Variants in SCUBE2 observed in about 807,000 individuals in gnomAD.
SCUBE2 encodes signal peptide, CUB and EGF-like domain-containing protein 2.
Under a neutral mutation model 125.9 loss-of-function variants are expected in SCUBE2, and 114 were observed. The ratio of observed to expected loss-of-function variants is 0.91; its 90% CI spans 0.78 to 1.06. SCUBE2 has a LOEUF of 1.06. Among genes scored for constraint, SCUBE2 ranks in the 50% least tolerant of loss-of-function variants. The pLI is 0.00. For missense variants in SCUBE2, 1,255 were observed against 1,301.8 expected (o/e 0.96, Z 0.55); for synonymous variants, 459 against 492.9 (o/e 0.93, Z 0.91).
At chr11:9,079,174 T>C (rs554891282) in intron 3 of SCUBE2, among the ~76,000 whole-genome samples, 3 of 152,336 alleles carry the variant, frequency 2.0e-5, no homozygotes, top group Admixed American at 6.5e-5. Context: ...ATGTCACCCA[T>C]CTCCTTGGAC....
chr11:9,059,734 C>T, intron 8 of SCUBE2: 1 of 320,304 alleles, frequency 3.1e-6, no homozygotes, highest in Non-Finnish European at 5.8e-6. Context: ...GTATTGCTCT[C>T]TCAAGGTAAG....
chr11:9,057,043 G>A (rs935001195), intron 9 of SCUBE2, among the ~76,000 whole-genome samples: 6 of 152,294 alleles, frequency 3.9e-5, no homozygotes, highest in African/African-American at 1.2e-4. Flanking sequence ...TACCAAGACC[G>A]ATCAGTGAAA....
chr11:9,030,499 A>G (rs80301233), intron 18 of SCUBE2, among the ~76,000 whole-genome samples: 3,339 of 152,248 alleles, frequency 0.022, 48 homozygotes, highest in Non-Finnish European at 0.032. Context: ...AACCAGGGGA[A>G]CCTGTGTACC....
chr11:9,052,627 A>T, intron 13 of SCUBE2, 119 bp downstream of exon 13: 1 of 718,420 alleles, frequency 1.4e-6, no homozygotes, highest in Middle Eastern at 2.5e-4. Context: ...GAACATGCTC[A>T]CAGCATCAAG....
intron 22 of SCUBE2, among the ~76,000 whole-genome samples, 170 bp from the exon 23 acceptor site, chr11:9,021,367 A>T (rs1566152038): frequency 1.3e-5 from 2 of 152,130 alleles, no homozygotes; most frequent in Non-Finnish European, 2.9e-5. Flanking sequence ...ATTTTTCCTA[A>T]TTAGTTTTAA....
intron 19 of SCUBE2, among the ~76,000 whole-genome samples, chr11:9,028,110 G>C (rs972555525): frequency 2.0e-5 from 3 of 152,060 alleles, no homozygotes; most frequent in African/African-American, 4.8e-5. Context: ...GGAGTGCAGT[G>C]GTGCGATCAT....
chr11:9,021,064 A>T lies in SCUBE2; in HGVS notation c.3068T>A (p.Phe1023Tyr). The T allele has an allele frequency of 6.2e-7, 1 of 1,613,574 alleles. No homozygotes were observed. ...GCTGAGTCATTTGTAAGGTCTCAAA[A>T]ACCTGGACACTTTGGAACGTAGCAA... ...IRLLRSKVSR[F>Y]LRPYK The change falls in exon 23 of 23, where the codon TTT becomes TAT. Residue 1023 changes from phenylalanine to tyrosine, a missense_variant. This residue lies in a region of SCUBE2 where 515 missense variants were observed against 515.7 expected (regional missense o/e 1.00). Transcript: ENST00000649792.
At chr11:9,029,855 A>C in intron 19 of SCUBE2, 29 bp downstream of exon 19, 1 of 1,613,638 alleles carries the variant, frequency 6.2e-7, no homozygotes, top group Non-Finnish European at 8.5e-7. Flanking sequence ...CTTAGCCAGA[A>C]CTATGAAAAG....
intron 4 of SCUBE2, among the ~76,000 whole-genome samples, chr11:9,071,441 C>T (rs1349378713): frequency 2.0e-5 from 3 of 152,220 alleles, no homozygotes. Context: ...ACTTAAATGG[C>T]TCTGGAAACG....
rs1167124619 is a variant in SCUBE2 at position 9,055,804 on chromosome 11, G to A, written c.1196C>T (p.Thr399Ile). The A allele has an allele frequency of 6.2e-7, 1 of 1,613,916 alleles. No homozygotes were observed. Among genetic ancestry groups the A allele is most frequent in the Non-Finnish European group, 8.5e-7 (1 of 1,179,854 alleles). ...CNRGYTLYGF[T>I]HCGDTNECSI... Reference sequence around the variant, plus strand: ...GGCAGTCTGCTCACCTCCACAGTGGGTGAAGCCATACAGGGTGTACCCTCG... The same window carrying A: ...GGCAGTCTGCTCACCTCCACAGTGGATGAAGCCATACAGGGTGTACCCTCG... Residue 399 changes from threonine to isoleucine, a missense_variant, in exon 10 of 23, where the codon ACC becomes ATC. Coordinates refer to ENST00000649792, the MANE Select transcript of SCUBE2 (RefSeq NM_001367977.2).
chr11:9,061,376 G>T (rs548492674), intron 7 of SCUBE2, among the ~76,000 whole-genome samples: 1 of 151,986 alleles, frequency 6.6e-6, no homozygotes, highest in Non-Finnish European at 1.5e-5. Context: ...GGGCCACGTG[G>T]TGAGACCCCC....
intron 5 of SCUBE2, among the ~76,000 whole-genome samples, chr11:9,067,645 G>A (rs2135728074): frequency 6.6e-6 from 1 of 152,142 alleles, no homozygotes; most frequent in Admixed American, 6.5e-5. Flanking sequence ...CTGGTTATGT[G>A]GTGAGATTCT....
chr11:9,075,234 T>C (rs1394184517), intron 3 of SCUBE2, among the ~76,000 whole-genome samples: 2 of 150,572 alleles, frequency 1.3e-5, no homozygotes, highest in African/African-American at 2.5e-5. Context: ...AAAATCCTTC[T>C]CTCTAGGAGC....
At chr11:9,081,375 C>G (rs1045137021) in intron 2 of SCUBE2, among the ~76,000 whole-genome samples, 8 of 152,106 alleles carry the variant, frequency 5.3e-5, no homozygotes, top group Non-Finnish European at 8.8e-5. Flanking sequence ...GCCCTGTTAA[C>G]CACCATTCTA....
At chr11:9,035,698 T>C (rs1320987320) in intron 16 of SCUBE2, among the ~76,000 whole-genome samples, 1 of 152,156 alleles carries the variant, frequency 6.6e-6, no homozygotes, top group Non-Finnish European at 1.5e-5. Flanking sequence ...TTTTCATTAT[T>C]CATTCCAAAA....
At chr11:9,029,485 T>G (rs542340792) in intron 19 of SCUBE2, among the ~76,000 whole-genome samples, 215 of 152,362 alleles carry the variant, frequency 1.4e-3, no homozygotes, top group African/African-American at 5.0e-3. Context: ...CTCCTTCCTC[T>G]GCAGCCTCAC....
At position 9,021,066 on chromosome 11, in the gene SCUBE2, C is replaced by T. The variant is rs137883377; in HGVS notation, c.3066G>A (p.Arg1022=). The T allele has an allele frequency of 5.0e-6, 8 of 1,613,358 alleles. No homozygotes were observed. The African/African-American group carries it at 8.0e-5, about 16-fold the overall frequency. Residue 1022 remains arginine (R), a synonymous_variant, in exon 23 of 23, where the codon AGG becomes AGA. Coordinates refer to ENST00000649792, the MANE Select transcript of SCUBE2 (RefSeq NM_001367977.2). The part of the protein sequence containing the change: ...FIRLLRSKVS[R]FLRPYK ...TGAGTCATTTGTAAGGTCTCAAAAA[C>T]CTGGACACTTTGGAACGTAGCAATC... is the stretch of plus-strand genomic sequence containing the variant.
At chr11:9,027,307 G>C in intron 20 of SCUBE2, 57 bp downstream of exon 20, 1 of 1,528,362 alleles carries the variant, frequency 6.5e-7, no homozygotes, top group Non-Finnish European at 9.0e-7. Context: ...AGCCTGAGGA[G>C]CAGGTCATCA....
At chr11:9,066,620 T>G in intron 6 of SCUBE2, 77 bp downstream of exon 6, 1 of 1,197,856 alleles carries the variant, frequency 8.3e-7, no homozygotes, top group Non-Finnish European at 1.2e-6. Flanking sequence ...GCATCTGTGC[T>G]AAACACCATT....
Sources: allele counts gnomAD v4.1 joint callset (sites outside exome capture counted in the v4.1 genomes callset), GRCh38; gene constraint gnomAD v4.1.1; regional missense constraint gnomAD v4.1.1; transcripts MANE v1.5; gene names NCBI Gene and HGNC (gene_info 2026-07-23, HGNC 2026-07-21).